MAP4K5: variants seen among roughly 807,000 people sequenced by gnomAD.
MAP4K5 encodes the protein MAPK/ERK kinase kinase kinase 5.
Under a neutral mutation model 135.6 loss-of-function variants are expected in MAP4K5, and 82 were observed. The ratio of observed to expected loss-of-function variants is 0.60; its 90% CI spans 0.51 to 0.73. MAP4K5 has a LOEUF of 0.73. Among genes scored for constraint, MAP4K5 ranks in the 30% least tolerant of loss-of-function variants. The pLI, the probability that MAP4K5 is intolerant of heterozygous loss-of-function variation, is 0.00. For missense variants in MAP4K5, 907 were observed against 1,010.9 expected (o/e 0.90, Z 1.39); for synonymous variants, 347 against 335.0 (o/e 1.04, Z -0.39).
intron 9 of MAP4K5, among the ~76,000 whole-genome samples, chr14:50,474,484 CT>C (rs1188865923): frequency 4.0e-5 from 6 of 151,886 alleles, no homozygotes; most frequent in Non-Finnish European, 7.4e-5. Flanking sequence ...TGTTATGAGG[CT>C]TTTTATTTCT....
chr14:50,548,723 G>A (rs1256173892), intron 1 of MAP4K5, among the ~76,000 whole-genome samples: 1 of 152,030 alleles, frequency 6.6e-6, no homozygotes, highest in Non-Finnish European at 1.5e-5. Flanking sequence ...TGTTAGCCAG[G>A]ATGGTCTCGA....
At chr14:50,457,486 C>G (rs143508319) in intron 13 of MAP4K5, among the ~76,000 whole-genome samples, 51 of 152,256 alleles carry the variant, frequency 3.3e-4, no homozygotes, top group African/African-American at 1.2e-3. Flanking sequence ...TCTGATGACT[C>G]ACTGTCATTC....
At chr14:50,475,051 C>A (rs918891703) in intron 9 of MAP4K5, 26 bp downstream of exon 9, 17 of 1,577,636 alleles carry the variant, frequency 1.1e-5, no homozygotes, top group African/African-American at 1.3e-5. Flanking sequence ...GAAAATGGAT[C>A]AAATTCAATC....
intron 3 of MAP4K5, among the ~76,000 whole-genome samples, chr14:50,500,189 G>A (rs75114616): frequency 0.028 from 4,313 of 152,182 alleles, 186 homozygotes; most frequent in African/African-American, 0.097. Flanking sequence ...ATAGATAATC[G>A]CTATTCTCAT....
intron 2 of MAP4K5, among the ~76,000 whole-genome samples, chr14:50,538,798 C>T (rs1245958832): frequency 6.6e-6 from 1 of 152,150 alleles, no homozygotes; most frequent in Non-Finnish European, 1.5e-5. Context: ...TCGCTTAACC[C>T]TGTCATCTAA....
intron 2 of MAP4K5, among the ~76,000 whole-genome samples, chr14:50,520,497 T>C (rs918285703): frequency 6.6e-6 from 1 of 152,070 alleles, no homozygotes; most frequent in African/African-American, 2.4e-5. Context: ...CAAGACTCTG[T>C]CTCAAAAAAA....
intron 16 of MAP4K5, 108 bp from the exon 17 acceptor site, chr14:50,446,229 AG>A: frequency 1.5e-6 from 1 of 646,408 alleles, no homozygotes; most frequent in Non-Finnish European, 2.6e-6. Flanking sequence ...AGGATGTAAA[AG>A]ACAGATCACG....
chr14:50,440,561 T>C, intron 21 of MAP4K5, 120 bp from the exon 22 acceptor site: 2 of 549,620 alleles, frequency 3.6e-6, no homozygotes, highest in Non-Finnish European at 6.4e-6. Context: ...TAAAATAAAA[T>C]TATTTTCTTA....
At chr14:50,444,592 A>G (rs1458366733) in intron 18 of MAP4K5, among the ~76,000 whole-genome samples, 3 of 152,094 alleles carry the variant, frequency 2.0e-5, no homozygotes, top group African/African-American at 7.2e-5. Context: ...CTACAGAAAA[A>G]AAAAATCCTG....
intron 1 of MAP4K5, chr14:50,560,237 G>C: frequency 1.2e-6 from 2 of 1,613,286 alleles, no homozygotes; most frequent in Non-Finnish European, 1.7e-6. Flanking sequence ...CAGTGACAGC[G>C]CCTCACCGCC....
At position 50,486,140 on chromosome 14, in the gene MAP4K5, T is replaced by G. The variant is rs1199551911; in HGVS notation, c.221A>C (p.His74Pro). The change falls in exon 4 of 33, where the codon CAT (histidine) becomes CCT (proline). Residue 74 changes from histidine (H) to proline (P), a missense_variant. By Grantham distance (77) the His-to-Pro change is moderately conservative. Transcript: ENST00000682126. ...CCCAAAGTAGGCAACGATGTTACAATGTTTACATTCTTTAACCATAAATAT... is the reference window on the plus strand; with the variant it reads ...CCCAAAGTAGGCAACGATGTTACAAGGTTTACATTCTTTAACCATAAATAT... ...QEIFMVKECKHCNIVAYFGSY... is the reference protein window; with the variant it reads ...QEIFMVKECKPCNIVAYFGSY... The G allele has an allele frequency of 7.0e-7, 1 of 1,424,088 alleles. No individual in the cohort carries two copies. Among genetic ancestry groups the G allele is most frequent in the African/African-American group, 1.4e-5 (1 of 69,584 alleles). The allele number at this position is 1,424,088 out of a possible 1,614,324, so 88.2% of individuals were successfully genotyped here.
At chr14:50,473,813 T>C (rs1412108886) in intron 9 of MAP4K5, among the ~76,000 whole-genome samples, 1 of 144,838 alleles carries the variant, frequency 6.9e-6, no homozygotes, top group Non-Finnish European at 1.5e-5. Context: ...AAGCTCTGAC[T>C]CCTGGGTTCA....
intron 2 of MAP4K5, among the ~76,000 whole-genome samples, chr14:50,505,836 T>C (rs1218859586): frequency 2.6e-5 from 4 of 152,208 alleles, no homozygotes; most frequent in East Asian, 1.9e-4. Context: ...TTGTTGGACA[T>C]AAAGGATGTT....
upstream of MAP4K5, among the ~76,000 whole-genome samples, chr14:50,535,723 G>C (rs2038483072): frequency 1.3e-5 from 2 of 152,210 alleles, no homozygotes; most frequent in African/African-American, 2.4e-5. Flanking sequence ...ATTAGGATGA[G>C]AGTTTTAAAA....
At chr14:50,492,003 T>C (rs1230183206) in intron 3 of MAP4K5, among the ~76,000 whole-genome samples, 1 of 152,178 alleles carries the variant, frequency 6.6e-6, no homozygotes, top group Non-Finnish European at 1.5e-5. Context: ...TTCAGAAAGT[T>C]AGCACATTAT....
At chr14:50,464,742 A>G (rs372213923) in intron 11 of MAP4K5, among the ~76,000 whole-genome samples, 24 of 152,256 alleles carry the variant, frequency 1.6e-4, no homozygotes, top group African/African-American at 5.5e-4. Context: ...AGAATGGACA[A>G]GAACTAAAGG....
intron 6 of MAP4K5, among the ~76,000 whole-genome samples, chr14:50,481,788 G>A (rs2037249028): frequency 6.6e-6 from 1 of 152,098 alleles, no homozygotes; most frequent in Admixed American, 6.5e-5. Context: ...AAAGAAACCT[G>A]TTTAATGCAA....
intron 2 of MAP4K5, among the ~76,000 whole-genome samples, chr14:50,522,789 AAGT>A (rs2038179053): frequency 6.6e-6 from 1 of 152,192 alleles, no homozygotes; most frequent in African/African-American, 2.4e-5. Flanking sequence ...AAAAATAAGA[AAGT>A]AGGTGATGTT....
chr14:50,503,710 A>C (rs1441324310), intron 3 of MAP4K5, among the ~76,000 whole-genome samples: 1 of 152,118 alleles, frequency 6.6e-6, no homozygotes, highest in African/African-American at 2.4e-5. Flanking sequence ...CAAGTAAGTG[A>C]AACCGTGTTG....
Sources: allele counts gnomAD v4.1 joint callset (sites outside exome capture counted in the v4.1 genomes callset), GRCh38; gene constraint gnomAD v4.1.1; transcripts MANE v1.5; gene names NCBI Gene and HGNC (gene_info 2026-07-23, HGNC 2026-07-21).